The following CADM2 variants were observed in gnomAD, a reference collection of about 807,000 sequenced individuals.
CADM2 encodes immunoglobulin superfamily member 4D.
A neutral mutation model predicts 49.8 loss-of-function variants in CADM2; 12 were observed. The ratio of observed to expected loss-of-function variants is 0.24; its 90% CI spans 0.15 to 0.39. The LOEUF is 0.39. Ranked by LOEUF, CADM2 falls within the 10% of genes least tolerant of loss-of-function variation. The pLI is 1.00. For synonymous variants in CADM2, 214 were observed against 175.4 expected, an observed-to-expected ratio of 1.22 and a Z score of -1.74; for missense variants, 378 against 492.3, an observed-to-expected ratio of 0.77 and a Z score of 2.20.
intron 8 of CADM2, among the ~76,000 whole-genome samples, chr3:86,040,015 T>A (rs1287346951): frequency 1.3e-5 from 2 of 152,172 alleles, no homozygotes; most frequent in Non-Finnish European, 2.9e-5. Flanking sequence ...GACCTGCAGC[T>A]GAGGGTCCTG....
intron 1 of CADM2, among the ~76,000 whole-genome samples, chr3:85,273,016 A>G (rs768042215): frequency 1.3e-5 from 2 of 151,328 alleles, no homozygotes; most frequent in Non-Finnish European, 3.0e-5. Flanking sequence ...TGGGAGGTGA[A>G]GGAGCCTTAT....
At chr3:85,770,726 C>G (rs2070040121) in intron 2 of CADM2, among the ~76,000 whole-genome samples, 1 of 152,096 alleles carries the variant, frequency 6.6e-6, no homozygotes, top group Non-Finnish European at 1.5e-5. Flanking sequence ...AACATCAAGC[C>G]ATGGCACTGT....
chr3:85,510,730 A>G (rs999185920), intron 1 of CADM2, among the ~76,000 whole-genome samples: 1 of 151,936 alleles, frequency 6.6e-6, no homozygotes, highest in Non-Finnish European at 1.5e-5. Flanking sequence ...TTGCTTTCCT[A>G]TGTGATTAGT....
chr3:85,247,761 CTG>C (rs1441487176), intron 1 of CADM2, among the ~76,000 whole-genome samples: 3 of 152,074 alleles, frequency 2.0e-5, no homozygotes, highest in Non-Finnish European at 4.4e-5. Context: ...TATGCTCTTC[CTG>C]TGTCATGATA....
chr3:85,447,337 G>A (rs562610385), intron 1 of CADM2, among the ~76,000 whole-genome samples: 2 of 152,086 alleles, frequency 1.3e-5, no homozygotes, highest in South Asian at 2.1e-4. Flanking sequence ...ATTTGTGATA[G>A]CCTTACTGTA....
At chr3:85,720,861 A>C (rs2067478967) in intron 1 of CADM2, among the ~76,000 whole-genome samples, 2 of 152,200 alleles carry the variant, frequency 1.3e-5, no homozygotes, top group African/African-American at 4.8e-5. Context: ...AGACAGTAAT[A>C]ATGTACTATC....
intron 1 of CADM2, among the ~76,000 whole-genome samples, chr3:85,342,011 T>C (rs987486856): frequency 1.3e-5 from 2 of 152,038 alleles, no homozygotes; most frequent in African/African-American, 4.8e-5. Flanking sequence ...AATTGACAAA[T>C]TGGATCTAAT....
chr3:85,021,447 T>TTTG (rs145230577), intron 1 of CADM2, among the ~76,000 whole-genome samples: 2 of 151,486 alleles, frequency 1.3e-5, no homozygotes, highest in South Asian at 4.2e-4. Flanking sequence ...ATGCCTAGAG[T>TTTG]TTGTTGTTGT....
intron 1 of CADM2, among the ~76,000 whole-genome samples, chr3:85,083,490 A>G (rs2037251942): frequency 6.6e-6 from 1 of 152,144 alleles, no homozygotes; most frequent in African/African-American, 2.4e-5. Context: ...CGTCTTTCAC[A>G]TACATGATCT....
chr3:85,152,397 T>A (rs2039953433), intron 1 of CADM2, among the ~76,000 whole-genome samples: 1 of 152,150 alleles, frequency 6.6e-6, no homozygotes, highest in Non-Finnish European at 1.5e-5. Context: ...CATCCTACTC[T>A]CTTATCCTGC....
chr3:85,527,147 A>T (rs577178501), intron 1 of CADM2, among the ~76,000 whole-genome samples: 1 of 152,174 alleles, frequency 6.6e-6, no homozygotes, highest in South Asian at 2.1e-4. Flanking sequence ...GCACCGTGGG[A>T]TGCCAGGAAA....
intron 1 of CADM2, among the ~76,000 whole-genome samples, chr3:84,991,690 C>T (rs1447131340): frequency 3.9e-5 from 6 of 152,126 alleles, no homozygotes; most frequent in African/African-American, 1.4e-4. Context: ...CACAAAGAAA[C>T]GTGCACATGG....
intron 1 of CADM2, among the ~76,000 whole-genome samples, chr3:85,358,387 C>CA (rs376783196): frequency 0.05 from 7,468 of 150,222 alleles, 569 homozygotes; most frequent in African/African-American, 0.16. Flanking sequence ...CATCATTTTC[C>CA]AAAAAAAATA....
chr3:85,095,003 T>A (rs1471120254), intron 1 of CADM2, among the ~76,000 whole-genome samples: 1 of 152,186 alleles, frequency 6.6e-6, no homozygotes, highest in Non-Finnish European at 1.5e-5. Flanking sequence ...AACAATAATC[T>A]TTTGATAGTA....
At chr3:85,491,070 C>G (rs2039649947) in intron 1 of CADM2, among the ~76,000 whole-genome samples, 1 of 152,190 alleles carries the variant, frequency 6.6e-6, no homozygotes, top group Non-Finnish European at 1.5e-5. Context: ...AGCACTTTCT[C>G]CAGACCTTAA....
chr3:85,131,350 C>G (rs1328725855), intron 1 of CADM2, among the ~76,000 whole-genome samples: 1 of 152,138 alleles, frequency 6.6e-6, no homozygotes, highest in African/African-American at 2.4e-5. Context: ...TGTAAGTTAT[C>G]TCTATAGTTA....
Position 86,066,332 on chromosome 3 carries a change from C to CAAAAAAAAAAAA in CADM2, c.1097-318_1097-307dup, listed in dbSNP as rs10663610. Among the ~76,000 whole-genome samples, 271 of 30,354 alleles carry CAAAAAAAAAAAA rather than the reference C, an allele frequency of 8.9e-3. 62 individuals carry two copies. Among genetic ancestry groups the CAAAAAAAAAAAA allele is most frequent in the Middle Eastern group, 0.036 (1 of 28 alleles). 19.9% of individuals were successfully genotyped at this position (30,354 alleles called of 152,430 possible). A position where few individuals can be genotyped will look rare whatever the true frequency, so the allele number is the denominator to read the frequency against. On this transcript the variant is annotated intron_variant, in intron 9 of 9. Transcript: ENST00000383699. Reference sequence around the variant, plus strand: ...TGGGCGAGAGAGCGAGACTCCGTCTCAAAAAAAAAAAAAAAAAAAAAAAAA... The same window carrying CAAAAAAAAAAAA: ...TGGGCGAGAGAGCGAGACTCCGTCTCAAAAAAAAAAAAAAAAAAAAAAAAAAAAAAAAAAAAA...
At chr3:85,880,828 G>A (rs898303775) in intron 3 of CADM2, among the ~76,000 whole-genome samples, 4 of 152,272 alleles carry the variant, frequency 2.6e-5, no homozygotes, top group East Asian at 3.9e-4. Context: ...CTAGCTTTTC[G>A]AAGTTTCCTC....
chr3:85,486,242 T>G (rs1025566002), intron 1 of CADM2, among the ~76,000 whole-genome samples: 1 of 152,182 alleles, frequency 6.6e-6, no homozygotes, highest in Non-Finnish European at 1.5e-5. Context: ...AATACCATTT[T>G]AATTTTATGG....
Sources: allele counts gnomAD v4.1 joint callset (sites outside exome capture counted in the v4.1 genomes callset), GRCh38; gene constraint gnomAD v4.1.1; transcripts MANE v1.5; gene names NCBI Gene and HGNC (gene_info 2026-07-23, HGNC 2026-07-21).